CHRM2: variants seen among roughly 807,000 people sequenced by gnomAD.
The protein encoded by CHRM2 is cholinergic receptor muscarinic 2.
In CHRM2, 8 loss-of-function variants were observed where a neutral mutation model predicts 25.0. The ratio of observed to expected loss-of-function variants is 0.32; its 90% CI spans 0.19 to 0.58. The LOEUF (loss-of-function observed/expected upper bound fraction) is 0.58. Among genes scored for constraint, CHRM2 ranks in the 20% least tolerant of loss-of-function variants. CHRM2 has a pLI of 0.88. For missense variants in CHRM2, 440 were observed against 567.1 expected (o/e 0.78, Z 2.28); for synonymous variants, 202 against 205.7 (o/e 0.98, Z 0.15).
In CHRM2 at chr7:136,911,848, T is replaced by C. The variant is rs144558838; in HGVS notation, c.-125+42430T>C. Among the ~76,000 whole-genome samples the C allele has an allele frequency of 8.9e-4, 135 of 152,056 alleles. 1 individual carries two copies. Among genetic ancestry groups the C allele is most frequent in the Middle Eastern group, 3.4e-3 (1 of 294 alleles). On this transcript the variant is annotated intron_variant, in intron 2 of 3. Transcript: ENST00000680005. ...AAGGCTTAAGGCAGCTTATTAGATA[T>C]TGTGTGTAAAGGAGGATCTGCTTTT...
At chr7:136,932,749 G>T (rs1799179025) in intron 2 of CHRM2, among the ~76,000 whole-genome samples, 2 of 152,098 alleles carry the variant, frequency 1.3e-5, no homozygotes, top group African/African-American at 2.4e-5. Flanking sequence ...AGATTTTTAG[G>T]CTGGGTATGG....
At chr7:136,917,948 T>C (rs1460834257) in intron 2 of CHRM2, among the ~76,000 whole-genome samples, 3 of 152,076 alleles carry the variant, frequency 2.0e-5, no homozygotes, top group Non-Finnish European at 4.4e-5. Context: ...CAATCCATCA[T>C]GGAGCAGACA....
intron 2 of CHRM2, chr7:136,902,954 A>G (rs1797311742): frequency 1.1e-5 from 4 of 356,918 alleles, no homozygotes; most frequent in Admixed American, 4.0e-5. Flanking sequence ...GTTTTTCATT[A>G]TCAAACAAAC....
intron 2 of CHRM2, among the ~76,000 whole-genome samples, chr7:136,874,592 C>A (rs1196884120): frequency 6.9e-6 from 1 of 145,582 alleles, no homozygotes; most frequent in Non-Finnish European, 1.5e-5. Flanking sequence ...CCTCTTCCCT[C>A]CCAAATCCAA....
At position 136,995,469 on chromosome 7, in the gene CHRM2, AATTC is replaced by A. The variant is rs573432716; in HGVS notation, c.-47+3206_-47+3209del. On this transcript the variant is annotated intron_variant, in intron 3 of 3. Transcript: ENST00000680005. ...TAATTATTTATAACAGACCAATAAC[AATTC>A]CACAAGGGGCTGGGTGTGGTGGCTC... is the stretch of plus-strand genomic sequence containing the variant. Among the ~76,000 whole-genome samples, 12 of 152,320 alleles carry A rather than the reference AATTC, an allele frequency of 7.9e-5. No individual in the cohort carries two copies. In the South Asian group the frequency reaches 1.5e-3, roughly 18 times the overall value.
chr7:136,952,913 C>T (rs1209493058), intron 2 of CHRM2, among the ~76,000 whole-genome samples: 3 of 152,084 alleles, frequency 2.0e-5, no homozygotes, highest in Admixed American at 2.0e-4. Flanking sequence ...TGATCTCGTT[C>T]TTTTTTATGG....
intron 2 of CHRM2, among the ~76,000 whole-genome samples, chr7:136,948,822 CAG>C (rs1311045965): frequency 2.0e-5 from 3 of 152,130 alleles, no homozygotes; most frequent in Admixed American, 1.3e-4. Flanking sequence ...CTCTGGTGAA[CAG>C]AGAGTGAGGC....
At chr7:136,931,023 T>C (rs188038534) in intron 2 of CHRM2, among the ~76,000 whole-genome samples, 2 of 152,000 alleles carry the variant, frequency 1.3e-5, no homozygotes, top group African/African-American at 4.8e-5. Context: ...GGAATTATTC[T>C]ATCCTAAGTT....
chr7:136,960,969 T>C (rs1801036987), intron 2 of CHRM2, among the ~76,000 whole-genome samples: 1 of 151,958 alleles, frequency 6.6e-6, no homozygotes, highest in Non-Finnish European at 1.5e-5. Context: ...CTACTAAAAA[T>C]ACAAAAAAAT....
intron 2 of CHRM2, among the ~76,000 whole-genome samples, chr7:136,889,344 A>C (rs989516085): frequency 1.3e-5 from 2 of 152,168 alleles, no homozygotes; most frequent in Non-Finnish European, 2.9e-5. Context: ...GCTAAGGAAG[A>C]GAACAATCCC....
intron 2 of CHRM2, chr7:136,907,743 T>C (rs1797631743): frequency 6.6e-6 from 1 of 151,926 alleles, no homozygotes; most frequent in Non-Finnish European, 1.5e-5. Flanking sequence ...CTTATTCCTG[T>C]ATTTTCTCAA....
At position 136,992,198 on chromosome 7, in the gene CHRM2, C is replaced by T. The variant is rs1803277655; in HGVS notation, c.-113C>T. On this transcript the variant is annotated 5_prime_UTR_variant, in exon 3 of 4. Coordinates refer to ENST00000680005, the MANE Select transcript of CHRM2 (RefSeq NM_001006630.2). ...CTCTTTTCTACCAGGTTGTTAGCGA[C>T]ATGAGTACAGGGTCTGGATCTTACC... The T allele has an allele frequency of 6.6e-6, 1 of 152,190 alleles. No individual in the cohort carries two copies. Among genetic ancestry groups the T allele is most frequent in the South Asian group, 2.1e-4 (1 of 4,828 alleles). The allele number at this position is 152,190 out of a possible 1,614,324, so 9.4% of individuals were successfully genotyped here.
chr7:136,965,838 T>C (rs1011469793), intron 2 of CHRM2, among the ~76,000 whole-genome samples: 2 of 151,904 alleles, frequency 1.3e-5, no homozygotes, highest in African/African-American at 4.8e-5. Context: ...AATGGAATGT[T>C]GGAATAATTA....
chr7:136,893,100 C>T (rs961883395), intron 2 of CHRM2, among the ~76,000 whole-genome samples: 3 of 152,132 alleles, frequency 2.0e-5, no homozygotes, highest in African/African-American at 4.8e-5. Flanking sequence ...GTTCTTCTCG[C>T]TTCTTAAGGC....
At chr7:136,987,296 A>G (rs1802921722) in intron 2 of CHRM2, among the ~76,000 whole-genome samples, 1 of 152,128 alleles carries the variant, frequency 6.6e-6, no homozygotes, top group Admixed American at 6.6e-5. Flanking sequence ...ATTTAGGGGC[A>G]CCCTCTGTTG....
intron 2 of CHRM2, among the ~76,000 whole-genome samples, chr7:136,875,563 A>ACCGGTCTCCCAC (rs1221645201): frequency 6.6e-6 from 1 of 152,084 alleles, no homozygotes; most frequent in Non-Finnish European, 1.5e-5. Context: ...TATGCTTCTA[A>ACCGGTCTCCCAC]CCGGTCTCCC....
intron 2 of CHRM2, among the ~76,000 whole-genome samples, chr7:136,943,716 G>GCAGGATCATGTTTCAAACTGATA (rs6150366): frequency 0.02 from 3,056 of 151,834 alleles, 88 homozygotes; most frequent in African/African-American, 0.07. Context: ...GTTTTTCAAG[G>GCAGGATCATGTTTCAAACTGATA]CAGTATCAAT....
intron 3 of CHRM2, among the ~76,000 whole-genome samples, chr7:137,007,164 C>T (rs901251339): frequency 1.3e-5 from 2 of 152,080 alleles, no homozygotes; most frequent in African/African-American, 4.8e-5. Context: ...GTATTTATTT[C>T]ACCACATCTG....
intron 3 of CHRM2, among the ~76,000 whole-genome samples, 153 bp from the exon 4 acceptor site, chr7:137,014,667 T>C (rs1805053136): frequency 6.6e-6 from 1 of 151,926 alleles, no homozygotes; most frequent in Non-Finnish European, 1.5e-5. Context: ...GGTCTTGCTT[T>C]TTACATGGGG....
Sources: gnomAD v4.1 joint callset for allele counts (sites outside exome capture counted in the v4.1 genomes callset) on GRCh38, gnomAD v4.1.1 for gene constraint, MANE v1.5 for transcripts, NCBI Gene and HGNC (gene_info 2026-07-23, HGNC 2026-07-21) for gene names.